The following CEP63 variants were observed in gnomAD, a reference collection of about 807,000 sequenced individuals.
CEP63 encodes centrosomal protein of 63 kDa.
A neutral mutation model predicts 89.1 loss-of-function variants in CEP63; 84 were observed. The ratio of observed to expected loss-of-function variants is 0.94; its 90% CI spans 0.79 to 1.13. The LOEUF (loss-of-function observed/expected upper bound fraction) is 1.13, where lower values mean the gene tolerates loss of function less well. Ranked by LOEUF, CEP63 falls within the 50% of genes most tolerant of loss-of-function variation. The pLI, the probability that CEP63 is intolerant of heterozygous loss-of-function variation, is 0.00. For missense variants in CEP63, 838 were observed against 813.3 expected, an observed-to-expected ratio of 1.03 and a Z score of -0.37; for synonymous variants, 267 against 272.5, an observed-to-expected ratio of 0.98 and a Z score of 0.20.
downstream of CEP63, among the ~76,000 whole-genome samples, chr3:134,565,709 C>T (rs956865378): frequency 2.0e-5 from 3 of 150,788 alleles, no homozygotes; most frequent in Non-Finnish European, 4.4e-5. Flanking sequence ...CAAGTTACCT[C>T]TGAGCTTCAG....
chr3:134,764,275 G>A, the CEP63 span, among the ~76,000 whole-genome samples: 1 of 152,134 alleles, frequency 6.6e-6, no homozygotes, highest in South Asian at 2.1e-4. Context: ...AAAGCCTTCC[G>A]AGGCATTCTT....
chr3:134,674,984 T>C, the CEP63 span, among the ~76,000 whole-genome samples: 1 of 152,206 alleles, frequency 6.6e-6, no homozygotes, highest in African/African-American at 2.4e-5. Flanking sequence ...GATCTACAGA[T>C]TCAACACAAT....
At chr3:134,640,021 T>C in the CEP63 span, 1 of 153,560 alleles carries the variant, frequency 6.5e-6, no homozygotes, top group Non-Finnish European at 1.4e-5. Flanking sequence ...TTACTCTCCT[T>C]ACAAATTCAT....
chr3:134,520,058 T>C (rs908950394), intron 3 of CEP63, among the ~76,000 whole-genome samples: 12 of 152,152 alleles, frequency 7.9e-5, no homozygotes, highest in African/African-American at 2.2e-4. Flanking sequence ...TTTTTTGTTG[T>C]TGTTATTGTA....
chr3:134,548,194 C>G (rs1400999024), intron 9 of CEP63, among the ~76,000 whole-genome samples: 1 of 152,324 alleles, frequency 6.6e-6, no homozygotes, highest in African/African-American at 2.4e-5. Context: ...TTCCACATTT[C>G]TGTACTTCTC....
chr3:134,488,742 C>CTGGT (rs1936574983), intron 1 of CEP63, among the ~76,000 whole-genome samples: 2 of 152,324 alleles, frequency 1.3e-5, no homozygotes, highest in Non-Finnish European at 2.9e-5. Flanking sequence ...AAACAGGTCC[C>CTGGT]TGGTGCCAAA....
the CEP63 span, among the ~76,000 whole-genome samples, chr3:134,596,991 AT>A: frequency 6.6e-6 from 1 of 152,180 alleles, no homozygotes; most frequent in African/African-American, 2.4e-5. Context: ...AAAGGACAGC[AT>A]GTATAAAGCA....
the CEP63 span, among the ~76,000 whole-genome samples, chr3:134,725,804 G>C: frequency 2.0e-5 from 3 of 152,118 alleles, no homozygotes; most frequent in Non-Finnish European, 4.4e-5. Flanking sequence ...GCTACCTGGC[G>C]TTAGTGCAGA....
the CEP63 span, among the ~76,000 whole-genome samples, chr3:134,669,643 T>C: frequency 3.3e-5 from 5 of 152,180 alleles, no homozygotes; most frequent in African/African-American, 9.7e-5. Flanking sequence ...ATTTTACTTA[T>C]TGAGGAGGCT....
intron 6 of CEP63, among the ~76,000 whole-genome samples, chr3:134,540,052 A>G (rs1203675714): frequency 1.3e-5 from 2 of 152,166 alleles, no homozygotes; most frequent in East Asian, 3.9e-4. Context: ...AACTTTAAAA[A>G]GTCCTGAGAG....
intron 2 of CEP63, among the ~76,000 whole-genome samples, chr3:134,500,301 C>G (rs1392772097): frequency 6.6e-6 from 1 of 152,132 alleles, no homozygotes; most frequent in Admixed American, 6.5e-5. Flanking sequence ...GTGTAGTATT[C>G]CATGGTGTAT....
At chr3:134,717,073 T>C in the CEP63 span, among the ~76,000 whole-genome samples, 5,459 of 152,222 alleles carry the variant, frequency 0.036, 338 homozygotes, top group African/African-American at 0.12. Context: ...TGGCCTATTG[T>C]CTGGAGCAAC....
chr3:134,603,763 A>G, the CEP63 span: 1 of 1,612,522 alleles, frequency 6.2e-7, no homozygotes, highest in Non-Finnish European at 8.5e-7. Context: ...AATACCATGC[A>G]GCTTCAATTT....
chr3:134,507,211 T>C lies in CEP63; in HGVS notation c.147T>C (p.Ala49=). ...CTGAATGGGAAGGACGTACACATGC[T>C]CTAGAAACTTGCTTGAAAATCCGTG... ...KKSEWEGRTH[A]LETCLKIREQ... The change falls in exon 3 of 15, where the codon GCT becomes GCC. Residue 49 remains alanine (A), a synonymous_variant. Transcript: ENST00000675561. 6.2e-7 allele frequency: 1 copy of C among 1,613,868 alleles called. No individual in the cohort carries two copies. Among genetic ancestry groups the C allele is most frequent in the Non-Finnish European group, 8.5e-7 (1 of 1,179,866 alleles).
the CEP63 span, among the ~76,000 whole-genome samples, chr3:134,663,913 C>T: frequency 6.6e-6 from 1 of 152,214 alleles, no homozygotes; most frequent in African/African-American, 2.4e-5. Context: ...TGCATCCTGC[C>T]ATCCTGTCCT....
the CEP63 span, among the ~76,000 whole-genome samples, chr3:134,774,934 G>C: frequency 1.3e-5 from 2 of 152,130 alleles, no homozygotes; most frequent in African/African-American, 4.8e-5. Context: ...GGAGTGCTGC[G>C]GGGTTGATGT....
downstream of CEP63, among the ~76,000 whole-genome samples, chr3:134,577,431 C>CTTT (rs10662705): frequency 0.07 from 6,008 of 86,268 alleles, 697 homozygotes; most frequent in African/African-American, 0.085. Context: ...TTCTAATCCA[C>CTTT]TTTTTTTTTT....
chr3:134,651,351 C>A, the CEP63 span: 2 of 1,149,524 alleles, frequency 1.7e-6, no homozygotes, highest in South Asian at 3.6e-5. Flanking sequence ...GCTGCCTCAT[C>A]CCCACGGTCT....
the CEP63 span, chr3:134,625,017 GA>G: frequency 6.4e-7 from 1 of 1,553,620 alleles, no homozygotes. Flanking sequence ...AAGCCACCTT[GA>G]AGGGGCCCAT....
Sources: allele counts gnomAD v4.1 joint callset (sites outside exome capture counted in the v4.1 genomes callset), GRCh38; gene constraint gnomAD v4.1.1; transcripts MANE v1.5; gene names NCBI Gene and HGNC (gene_info 2026-07-23, HGNC 2026-07-21).